Variants in MFSD12 observed in about 807,000 individuals in gnomAD.
The protein encoded by MFSD12 is major facilitator superfamily domain-containing protein 12.
A neutral mutation model predicts 51.2 loss-of-function variants in MFSD12; 67 were observed. The observed-to-expected ratio is 1.31, with a 90% confidence interval of 1.08 to 1.60. MFSD12 has a LOEUF of 1.60. Among genes scored for constraint, MFSD12 ranks in the 40% most tolerant of loss-of-function variants. MFSD12 has a pLI of 0.00. For missense variants in MFSD12, 921 were observed against 673.0 expected, an observed-to-expected ratio of 1.37 and a Z score of -4.08; for synonymous variants, 441 against 316.7, an observed-to-expected ratio of 1.39 and a Z score of -4.17.
chr19:3,556,884 C>T (rs1338011600), intron 1 of MFSD12, among the ~76,000 whole-genome samples: 2 of 152,152 alleles, frequency 1.3e-5, no homozygotes, highest in Non-Finnish European at 2.9e-5. Context: ...AGGGGACAGA[C>T]AGAGGGGTGA....
intron 4 of MFSD12, 123 bp from the exon 5 acceptor site, chr19:3,547,670 TGCCC>T: frequency 8.6e-7 from 1 of 1,162,142 alleles, no homozygotes; most frequent in Non-Finnish European, 1.2e-6. Context: ...TGGTAGTGAC[TGCCC>T]AGTGGGGTGG....
At position 3,557,272 on chromosome 19, in the gene MFSD12, C is replaced by G. The variant is rs778247642; in HGVS notation, c.132G>C (p.Leu44=). The G allele has an allele frequency of 2.3e-5, 36 of 1,597,824 alleles. No homozygotes were observed. The Admixed American group carries it at 6.2e-4, about 27-fold the overall frequency. ...LCASMWFTYL[L]LYLHSVRAYS... is the part of the protein sequence containing the mutation. ...AGGCGCGCACCGAGTGCAGGTAGAG[C>G]AGCAGGTAGGTGAACCACATGGACG... Residue 44 remains leucine, a synonymous_variant, in exon 1 of 10, where the codon CTG becomes CTC. Transcript: ENST00000355415.
rs1271265739 is a variant in MFSD12, at chr19:3,551,039, G to A, written c.454C>T (p.Leu152Phe). 1 of 1,612,968 alleles carries A rather than the reference G, an allele frequency of 6.2e-7. No individual in the cohort carries two copies. The highest frequency in any genetic ancestry group is 8.5e-7 in the Non-Finnish European group (1 of 1,180,014). Residue 152 changes from leucine to phenylalanine, a missense_variant, in exon 2 of 10, where the codon CTC becomes TTC. Leu to Phe is a conservative substitution (Grantham distance 22, BLOSUM62 0). Coordinates refer to ENST00000355415, the MANE Select transcript of MFSD12 (RefSeq NM_174983.5). The surrounding 1 kb of genome is among the most constrained non-coding windows in gnomAD (Gnocchi z 4.6). ...WASTQISHLS[L>F]IPELVTNDHE... ...TCGTTGGTGACGAGCTCCGGGATGAGGCTGAGGTGGGAGATCTGTGTGGAG... is the reference window on the plus strand; with the variant it reads ...TCGTTGGTGACGAGCTCCGGGATGAAGCTGAGGTGGGAGATCTGTGTGGAG...
At chr19:3,546,523 C>T (rs2031070480) in intron 6 of MFSD12, 98 bp from the exon 7 acceptor site, 2 of 1,409,876 alleles carry the variant, frequency 1.4e-6, no homozygotes, top group African/African-American at 1.4e-5. Flanking sequence ...GCAAACAAGG[C>T]ATGAGCTGGA....
Position 3,547,504 on chromosome 19 carries a change from G to C in MFSD12, c.881C>G (p.Ser294Cys). The change falls in exon 5 of 10, where the codon TCC becomes TGC. Residue 294 changes from serine to cysteine, a missense_variant. Coordinates refer to ENST00000355415, the MANE Select transcript of MFSD12 (RefSeq NM_174983.5). ...GAGGTACATGGCCATGTAGGTCTGG[G>C]ACAGGTTCACGATGAGCCTGGTGGT... ...YMTTRLIVNL[S>C]QTYMAMYLTY... 6.2e-7 allele frequency: 1 copy of C among 1,613,072 alleles called. No individual in the cohort carries two copies. Among genetic ancestry groups the C allele is most frequent in the Non-Finnish European group, 8.5e-7 (1 of 1,179,932 alleles).
downstream of MFSD12, chr19:3,539,492 C>G (rs2030181774): frequency 1.9e-6 from 1 of 530,428 alleles, no homozygotes; most frequent in Admixed American, 3.1e-5. Flanking sequence ...CTGCGGCCGT[C>G]TCCAAGGACT....
chr19:3,547,055 G>T (rs944182417), intron 6 of MFSD12, among the ~76,000 whole-genome samples: 25 of 152,274 alleles, frequency 1.6e-4, no homozygotes, highest in African/African-American at 6.0e-4. Context: ...AGCCAGGATG[G>T]TCTCGATCTC....
chr19:3,540,535 C>A (rs12971519), downstream of MFSD12, among the ~76,000 whole-genome samples: 1 of 151,150 alleles, frequency 6.6e-6, no homozygotes, highest in Non-Finnish European at 1.5e-5. Context: ...GGATTACAGG[C>A]GTGAGGCACC....
At chr19:3,552,912 T>A (rs944000695) in intron 1 of MFSD12, among the ~76,000 whole-genome samples, 1 of 152,146 alleles carries the variant, frequency 6.6e-6, no homozygotes, top group African/African-American at 2.4e-5. Flanking sequence ...CCAGGCTCCT[T>A]CCCTGCAGCC....
chr19:3,545,999 A>C, intron 8 of MFSD12, 75 bp downstream of exon 8: 1 of 1,487,840 alleles, frequency 6.7e-7, no homozygotes, highest in Admixed American at 1.7e-5. Context: ...GACCCAGAAC[A>C]CTGCTGGACA....
intron 8 of MFSD12, among the ~76,000 whole-genome samples, chr19:3,545,655 CTG>C (rs1260169220): frequency 2.0e-5 from 3 of 152,274 alleles, no homozygotes. Flanking sequence ...ATGTTCACCT[CTG>C]TGACTATTAA....
chr19:3,546,252 T>A lies in MFSD12; in HGVS notation c.1194+3A>T. The A allele has an allele frequency of 3.7e-6, 6 of 1,609,636 alleles. No homozygotes were observed. The highest frequency in any genetic ancestry group is 5.1e-6 in the Non-Finnish European group (6 of 1,178,148). ...CCCACCCCAGCCTGGCTACCAGCCC[T>A]ACCGTGTGGGGACCGATGAGGTCGG... On this transcript the variant is annotated splice_donor_region_variant and intron_variant, in intron 7 of 9. Transcript: ENST00000355415.
chr19:3,545,265 G>A (rs1387751912), intron 8 of MFSD12, among the ~76,000 whole-genome samples: 1 of 152,184 alleles, frequency 6.6e-6, no homozygotes, highest in African/African-American at 2.4e-5. Context: ...GCAACCACCA[G>A]AGGGCGTCTG....
At chr19:3,550,884 C>G in intron 2 of MFSD12, 100 bp downstream of exon 2, 2 of 970,038 alleles carry the variant, frequency 2.1e-6, no homozygotes, top group Non-Finnish European at 3.1e-6. Flanking sequence ...TGCCTGGTCT[C>G]GAGCTGCCGA....
intron 4 of MFSD12, 104 bp downstream of exon 4, chr19:3,547,744 A>G: frequency 7.3e-7 from 1 of 1,363,222 alleles, no homozygotes; most frequent in Non-Finnish European, 9.8e-7. Flanking sequence ...GGGCTGCACC[A>G]GGGGCCACGT....
intron 5 of MFSD12, 22 bp downstream of exon 5, chr19:3,547,433 G>A (rs769309675): frequency 2.6e-5 from 42 of 1,612,010 alleles, no homozygotes; most frequent in Admixed American, 6.7e-5. Context: ...CCATCCCAGC[G>A]TCCCCGCCCC....
intron 2 of MFSD12, among the ~76,000 whole-genome samples, chr19:3,550,247 T>G (rs532238840): frequency 6.6e-6 from 1 of 151,700 alleles, no homozygotes; most frequent in East Asian, 2.0e-4. Flanking sequence ...CCAGAAACTG[T>G]GAGAGGAGAA....
chr19:3,543,823 C>T (rs1281133046), downstream of MFSD12: 6 of 1,522,672 alleles, frequency 3.9e-6, no homozygotes, highest in South Asian at 2.5e-5. Context: ...CGAGTCCCAC[C>T]TACAGTGCTC....
At chr19:3,542,626 GC>G (rs2030509216), downstream of MFSD12, 5 of 976,890 alleles carry the variant, frequency 5.1e-6, no homozygotes, top group Non-Finnish European at 6.7e-6. Context: ...GGTGCCCCCC[GC>G]CCCCACACCA....
Sources: allele counts gnomAD v4.1 joint callset (sites outside exome capture counted in the v4.1 genomes callset), GRCh38; gene constraint gnomAD v4.1.1; non-coding constraint Gnocchi (gnomAD v3.1); transcripts MANE v1.5; gene names NCBI Gene and HGNC (gene_info 2026-07-23, HGNC 2026-07-21).